DCAF5: variants seen among roughly 807,000 people sequenced by gnomAD.
The protein encoded by DCAF5 is DDB1- and CUL4-associated factor 5.
A neutral mutation model predicts 80.7 loss-of-function variants in DCAF5; 9 were observed. The ratio of observed to expected loss-of-function variants is 0.11; its 90% CI spans 0.07 to 0.19. The LOEUF (loss-of-function observed/expected upper bound fraction) is 0.19. DCAF5 is among the 10% of genes least tolerant of loss of function. The probability of loss-of-function intolerance (pLI) is 1.00; values close to 1 mark genes in which losing one functional copy is unlikely to be tolerated. For synonymous variants in DCAF5, 433 were observed against 461.9 expected (o/e 0.94, Z 0.80); for missense variants, 842 against 1,205.7 (o/e 0.70, Z 4.47).
In DCAF5 at chr14:69,142,036, T is replaced by C. The variant is rs1342650747; in HGVS notation, c.214+10729A>G. On this transcript the variant is annotated intron_variant, in intron 1 of 8. Coordinates refer to ENST00000341516, the MANE Select transcript of DCAF5 (RefSeq NM_003861.3). The stretch of plus-strand genomic sequence containing the variant: ...CTGGCCAGGTATGGTGGCTCACATC[T>C]GTAATCCCAGCACCTTGGAAGGCCA... Among the ~76,000 whole-genome samples the C allele has an allele frequency of 2.6e-5, 4 of 152,218 alleles. No individual in the cohort carries two copies. The South Asian group carries it at 6.2e-4, about 24-fold the overall frequency.
chr14:69,072,174 C>T (rs892065702), intron 7 of DCAF5, among the ~76,000 whole-genome samples: 3 of 152,110 alleles, frequency 2.0e-5, no homozygotes, highest in Non-Finnish European at 4.4e-5. Context: ...AATGAAGATT[C>T]CTCTTTTGGG....
At position 69,118,576 on chromosome 14, in the gene DCAF5, G is replaced by A. The variant is rs990491946; in HGVS notation, c.396-298C>T. 6.6e-6 allele frequency among the ~76,000 whole-genome samples: 1 copy of A among 152,146 alleles called. No individual in the cohort carries two copies. The highest frequency in any genetic ancestry group is 2.4e-5 in the African/African-American group (1 of 41,432). On this transcript the variant is annotated intron_variant, in intron 3 of 8. Coordinates refer to ENST00000341516, the MANE Select transcript of DCAF5 (RefSeq NM_003861.3). This position sits in a 1 kb window ranked among gnomAD's most constrained non-coding sequence, Gnocchi z 4.0. ...TTTATTACAGAATGCATCTGCTTGTGTACAGATTTGGGGGTCATACTTGAT... is the reference window on the plus strand; with the variant it reads ...TTTATTACAGAATGCATCTGCTTGTATACAGATTTGGGGGTCATACTTGAT...
chr14:69,148,524 G>A (rs929475486), intron 1 of DCAF5, among the ~76,000 whole-genome samples: 25 of 151,990 alleles, frequency 1.6e-4, no homozygotes, highest in African/African-American at 5.3e-4. Context: ...GTGAAACCCC[G>A]TTTCTACTAA....
chr14:69,124,740 G>A (rs2040825424), intron 1 of DCAF5, among the ~76,000 whole-genome samples: 1 of 152,106 alleles, frequency 6.6e-6, no homozygotes, highest in African/African-American at 2.4e-5. Context: ...TGCACAAATG[G>A]TTTTCCACAC....
At chr14:69,101,806 T>C (rs749122446) in intron 5 of DCAF5, among the ~76,000 whole-genome samples, 32 of 152,172 alleles carry the variant, frequency 2.1e-4, no homozygotes, top group Non-Finnish European at 7.4e-5. Context: ...CCAAATGCCA[T>C]AGGCAACTGT....
intron 1 of DCAF5, among the ~76,000 whole-genome samples, chr14:69,145,975 G>A (rs1418744951): frequency 6.6e-6 from 1 of 152,124 alleles, no homozygotes; most frequent in Non-Finnish European, 1.5e-5. Context: ...TTCTTAACTT[G>A]GAATTAAGAG....
chr14:69,071,573 C>T (rs1175532847), intron 7 of DCAF5, among the ~76,000 whole-genome samples: 1 of 133,300 alleles, frequency 7.5e-6, no homozygotes, highest in Non-Finnish European at 1.5e-5. Context: ...AAAAGGTACA[C>T]AGAGAATATG....
intron 5 of DCAF5, among the ~76,000 whole-genome samples, chr14:69,107,665 G>A (rs2140026337): frequency 6.6e-6 from 1 of 152,242 alleles, no homozygotes; most frequent in East Asian, 1.9e-4. Context: ...AATTGACGGT[G>A]GCATTCAAAG....
In DCAF5 at chr14:69,153,027, T is replaced by C; in HGVS notation, c.-49A>G. The C allele has an allele frequency of 7.1e-7, 1 of 1,410,214 alleles. No homozygotes were observed. Among genetic ancestry groups the C allele is most frequent in the Non-Finnish European group, 9.3e-7 (1 of 1,077,708 alleles). The allele number at this position is 1,410,214 out of a possible 1,614,324, so 87.4% of individuals were successfully genotyped here. A position where few individuals can be genotyped will look rare whatever the true frequency, so the allele number is the denominator to read the frequency against. On this transcript the variant is annotated 5_prime_UTR_variant, in exon 1 of 9. Transcript: ENST00000341516. ...TCGCGCCGCCGCCCCTCCCTCGGCCTCACGCGCGGCCGCTGCTCCCCCCAC... is the reference window on the plus strand; with the variant it reads ...TCGCGCCGCCGCCCCTCCCTCGGCCCCACGCGCGGCCGCTGCTCCCCCCAC...
chr14:69,133,888 C>G (rs1425732323), intron 1 of DCAF5, among the ~76,000 whole-genome samples: 1 of 152,114 alleles, frequency 6.6e-6, no homozygotes, highest in African/African-American at 2.4e-5. Context: ...GCTAGAGCCC[C>G]ATAAAATGAA....
intron 6 of DCAF5, among the ~76,000 whole-genome samples, chr14:69,082,321 C>T (rs1290054171): frequency 6.6e-6 from 1 of 152,152 alleles, no homozygotes; most frequent in East Asian, 1.9e-4. Flanking sequence ...ATACGCATAC[C>T]CATAAGATTA....
At chr14:69,123,430 C>A (rs766807202) in intron 1 of DCAF5, among the ~76,000 whole-genome samples, 2 of 152,102 alleles carry the variant, frequency 1.3e-5, no homozygotes, top group African/African-American at 2.4e-5. Flanking sequence ...ATTTGCATAG[C>A]CCTATCTAGA....
intron 1 of DCAF5, among the ~76,000 whole-genome samples, chr14:69,151,751 GCTGTCGCCGCGGCCCGCGGGGCCCGGGC>G (rs2041712935): frequency 6.6e-6 from 1 of 152,128 alleles, no homozygotes; most frequent in Non-Finnish European, 1.5e-5. Flanking sequence ...CCCAGGGGCA[GCTGTCGCCGCGGCCCGCGGGGCCCGGGC>G]CTCCCCGGGA....
intron 5 of DCAF5, among the ~76,000 whole-genome samples, chr14:69,102,601 C>CACACACACACACACACACACACAA (rs2039998742): frequency 1.3e-5 from 2 of 148,558 alleles, no homozygotes; most frequent in Non-Finnish European, 3.0e-5. Flanking sequence ...GACACACACA[C>CACACACACACACACACACACACAA]ACACACACAC....
intron 7 of DCAF5, among the ~76,000 whole-genome samples, chr14:69,071,453 T>C (rs1276040746): frequency 6.6e-6 from 1 of 152,084 alleles, no homozygotes. Context: ...ACAGCAGGCA[T>C]CAAATAAATG....
At chr14:69,124,427 G>A (rs2040815791) in intron 1 of DCAF5, among the ~76,000 whole-genome samples, 1 of 152,164 alleles carries the variant, frequency 6.6e-6, no homozygotes, top group Non-Finnish European at 1.5e-5. Context: ...AGAAGATACA[G>A]AAGCCAAATC....
intron 2 of DCAF5, among the ~76,000 whole-genome samples, chr14:69,120,987 C>T (rs905856555): frequency 2.0e-4 from 31 of 152,274 alleles, no homozygotes; most frequent in Non-Finnish European, 2.8e-4. Context: ...ACTCAAAACT[C>T]TTACCAATGA....
chr14:69,075,145 A>G (rs1446779516), intron 7 of DCAF5, among the ~76,000 whole-genome samples, 200 bp downstream of exon 7: 1 of 152,166 alleles, frequency 6.6e-6, no homozygotes, highest in South Asian at 2.1e-4. Context: ...AAATCTAAGC[A>G]TCATTTATGT....
chr14:69,117,272 A>C (rs2040570554), intron 4 of DCAF5, among the ~76,000 whole-genome samples: 1 of 152,194 alleles, frequency 6.6e-6, no homozygotes, highest in Admixed American at 6.5e-5. Flanking sequence ...TACCAAGCCC[A>C]CAGTGACTCG....
Sources: allele counts gnomAD v4.1 joint callset (sites outside exome capture counted in the v4.1 genomes callset), GRCh38; gene constraint gnomAD v4.1.1; non-coding constraint Gnocchi (gnomAD v3.1); transcripts MANE v1.5; gene names NCBI Gene and HGNC (gene_info 2026-07-23, HGNC 2026-07-21).